NEK10: variants seen among roughly 807,000 people sequenced by gnomAD.
The protein encoded by NEK10 is serine/threonine-protein kinase Nek10.
A neutral mutation model predicts 159.8 loss-of-function variants in NEK10; 122 were observed. That is an observed-to-expected ratio of 0.76 (90% CI 0.66 to 0.89). The LOEUF (loss-of-function observed/expected upper bound fraction) is 0.89. Ranked by LOEUF, NEK10 falls within the 40% of genes least tolerant of loss-of-function variation. The pLI, the probability that NEK10 is intolerant of heterozygous loss-of-function variation, is 0.00. For synonymous variants in NEK10, 466 were observed against 457.1 expected, an observed-to-expected ratio of 1.02 and a Z score of -0.25; for missense variants, 1,342 against 1,323.1, an observed-to-expected ratio of 1.01 and a Z score of -0.22.
At chr3:27,309,641 G>A (rs2044525777) in intron 9 of NEK10, 1 of 152,104 alleles carries the variant, frequency 6.6e-6, no homozygotes, top group African/African-American at 2.4e-5. Context: ...ATCCCACGCT[G>A]GGAAGAACCA....
intron 30 of NEK10, among the ~76,000 whole-genome samples, chr3:27,154,696 T>G (rs1436068605): frequency 6.6e-6 from 1 of 152,034 alleles, no homozygotes; most frequent in Non-Finnish European, 1.5e-5. Flanking sequence ...AAAACTAAAA[T>G]CAAATGATCA....
At chr3:27,126,404 A>T (rs1159144308) in intron 32 of NEK10, among the ~76,000 whole-genome samples, 4 of 152,202 alleles carry the variant, frequency 2.6e-5, no homozygotes, top group African/African-American at 9.6e-5. Flanking sequence ...AGAAATGCAG[A>T]ATATTGGGTC....
chr3:27,145,276 T>C (rs17019448), intron 30 of NEK10, among the ~76,000 whole-genome samples: 5,535 of 152,264 alleles, frequency 0.036, 239 homozygotes, highest in African/African-American at 0.11. Flanking sequence ...TGCCCATGAT[T>C]CATATCTATG....
intron 9 of NEK10, 39 bp downstream of exon 9, chr3:27,310,910 T>G: frequency 7.9e-7 from 1 of 1,265,620 alleles, no homozygotes. Context: ...ACTATTGCCA[T>G]AGGGAGCTGA....
intron 3 of NEK10, among the ~76,000 whole-genome samples, chr3:27,349,024 G>A (rs960984418): frequency 6.6e-6 from 1 of 152,052 alleles, no homozygotes; most frequent in Non-Finnish European, 1.5e-5. Context: ...TATACAGTAA[G>A]CAGAACAGTC....
At chr3:27,257,752 G>A (rs764935769) in intron 22 of NEK10, among the ~76,000 whole-genome samples, 85 of 148,924 alleles carry the variant, frequency 5.7e-4, no homozygotes, top group Non-Finnish European at 1.2e-3. Context: ...CCCTGGGCAA[G>A]TTATTTTATC....
intron 3 of NEK10, 46 bp from the exon 4 acceptor site, chr3:27,346,262 C>T (rs779902847): frequency 4.4e-5 from 70 of 1,604,170 alleles, no homozygotes; most frequent in East Asian, 6.7e-5. Flanking sequence ...CAATTCAGCA[C>T]GGGATAAAGA....
chr3:27,309,046 T>C lies in NEK10; in HGVS notation c.637-41A>G, dbSNP rs748770626. ...AAATAAAGTTTAATTATATAAGTAC[T>C]ACAAGCTTCTTTTTTCAACATTAAC... On this transcript the variant is annotated intron_variant, in intron 9 of 35. Coordinates refer to ENST00000691995, the MANE Select transcript of NEK10 (RefSeq NM_001394966.1). The C allele has an allele frequency of 3.8e-5, 38 of 1,000,366 alleles. 1 individual carries two copies. The South Asian group carries it at 4.9e-4, about 13-fold the overall frequency. The allele number at this position is 1,000,366 out of a possible 1,614,324, so 62.0% of individuals were successfully genotyped here.
intron 23 of NEK10, among the ~76,000 whole-genome samples, chr3:27,216,873 T>C (rs914040148): frequency 2.0e-5 from 3 of 152,330 alleles, no homozygotes; most frequent in Admixed American, 6.5e-5. Context: ...ATAAATGCTA[T>C]GCAATGATTA....
chr3:27,153,620 G>A (rs956221481), intron 30 of NEK10, among the ~76,000 whole-genome samples: 1 of 152,126 alleles, frequency 6.6e-6, no homozygotes, highest in Non-Finnish European at 1.5e-5. Context: ...TTAGACCACA[G>A]TGGACTAAAA....
chr3:27,185,063 A>G (rs1432765996), intron 26 of NEK10, among the ~76,000 whole-genome samples: 3 of 152,232 alleles, frequency 2.0e-5, no homozygotes, highest in African/African-American at 7.2e-5. Context: ...GTATCTGTCA[A>G]TGTCTGCTAA....
chr3:27,314,896 C>A (rs867656643), intron 6 of NEK10, among the ~76,000 whole-genome samples: 1 of 152,266 alleles, frequency 6.6e-6, no homozygotes, highest in African/African-American at 2.4e-5. Context: ...CCAGGTCATA[C>A]GTACGTACAG....
chr3:27,238,775 G>C lies in NEK10; in HGVS notation c.2090+17521C>G, dbSNP rs938659501. Among the ~76,000 whole-genome samples the C allele has an allele frequency of 5.1e-4, 77 of 151,222 alleles. 1 individual carries two copies. The highest frequency in any genetic ancestry group is 8.6e-4 in the Non-Finnish European group (58 of 67,806). ...TGTGTGTGTGTGTGTGTGTGTGTGT[G>C]TGTGTGTGTGTGTGTATGTGAAGCA... is the stretch of plus-strand genomic sequence containing the variant. On this transcript the variant is annotated intron_variant, in intron 23 of 35. Coordinates refer to ENST00000691995, the MANE Select transcript of NEK10 (RefSeq NM_001394966.1).
intron 28 of NEK10, 53 bp from the exon 29 acceptor site, chr3:27,171,926 A>G (rs2004970): frequency 0.2 from 305,817 of 1,556,248 alleles, 31,155 homozygotes; most frequent in African/African-American, 0.31. Flanking sequence ...CAAATCTTTT[A>G]TTTTTTATGT....
At chr3:27,255,482 T>G (rs1245254793) in intron 23 of NEK10, among the ~76,000 whole-genome samples, 1 of 144,952 alleles carries the variant, frequency 6.9e-6, no homozygotes, top group East Asian at 1.9e-4. Context: ...AGGACTCAAT[T>G]GTACAACTAT....
chr3:27,143,375 A>C, intron 30 of NEK10: 1 of 662,320 alleles, frequency 1.5e-6, no homozygotes, highest in Non-Finnish European at 2.7e-6. Flanking sequence ...TTAAAATCTC[A>C]CAACATGGCA....
At chr3:27,147,506 GATCAGGCAAC>G (rs1363402604) in intron 30 of NEK10, among the ~76,000 whole-genome samples, 1 of 152,252 alleles carries the variant, frequency 6.6e-6, no homozygotes, top group Admixed American at 6.5e-5. Context: ...ACCTCTGGGT[GATCAGGCAAC>G]AAACTTCCTT....
chr3:27,344,491 A>T, intron 4 of NEK10, 121 bp from the exon 5 acceptor site: 1 of 500,958 alleles, frequency 2.0e-6, no homozygotes, highest in East Asian at 3.2e-5. Context: ...CCACTATACT[A>T]ATGAGGATTC....
intron 22 of NEK10, among the ~76,000 whole-genome samples, chr3:27,263,538 C>T (rs1220718648): frequency 2.6e-5 from 4 of 152,190 alleles, no homozygotes; most frequent in Admixed American, 2.0e-4. Context: ...CCCCCAGCCT[C>T]GCTGCCGCCT....
Sources: gnomAD v4.1 joint callset for allele counts (sites outside exome capture counted in the v4.1 genomes callset) on GRCh38, gnomAD v4.1.1 for gene constraint, MANE v1.5 for transcripts, NCBI Gene and HGNC (gene_info 2026-07-23, HGNC 2026-07-21) for gene names.